Variants in PRRC2B observed in about 807,000 individuals in gnomAD.
PRRC2B encodes the protein protein PRRC2B.
PRRC2B carries 68 observed loss-of-function variants against 242.3 expected under a neutral mutation model. That is an observed-to-expected ratio of 0.28 (90% CI 0.23 to 0.34). PRRC2B has a LOEUF of 0.34. PRRC2B is among the 10% of genes least tolerant of loss of function. The probability of loss-of-function intolerance (pLI) is 1.00; values close to 1 mark genes in which losing one functional copy is unlikely to be tolerated. For missense variants in PRRC2B, 2,835 were observed against 2,954.8 expected (o/e 0.96, Z 0.94); for synonymous variants, 1,228 against 1,173.6 (o/e 1.05, Z -0.95).
intron 13 of PRRC2B, among the ~76,000 whole-genome samples, chr9:131,470,145 G>C (rs578156264): frequency 6.6e-6 from 1 of 152,284 alleles, no homozygotes; most frequent in Admixed American, 6.5e-5. Context: ...GCAGAAAGTG[G>C]AGGGCCAGTC....
chr9:131,374,129 A>T (rs1254325728), intron 1 of PRRC2B, among the ~76,000 whole-genome samples: 3 of 151,958 alleles, frequency 2.0e-5, no homozygotes, highest in African/African-American at 7.3e-5. Flanking sequence ...TATTTCAGTC[A>T]CCCTGATTCG....
At chr9:131,460,263 T>C (rs184097625) in intron 11 of PRRC2B, among the ~76,000 whole-genome samples, 1 of 152,318 alleles carries the variant, frequency 6.6e-6, no homozygotes, top group Admixed American at 6.5e-5. Flanking sequence ...CTCGAAATAA[T>C]CCAGTTCAGA....
intron 1 of PRRC2B, among the ~76,000 whole-genome samples, chr9:131,406,093 C>T (rs777102594): frequency 1.3e-4 from 19 of 151,938 alleles, no homozygotes; most frequent in Non-Finnish European, 5.9e-5. Flanking sequence ...CAGCCCTCCC[C>T]GGGGGCCCGG....
chr9:131,431,745 C>T (rs955664875), intron 2 of PRRC2B, among the ~76,000 whole-genome samples: 103 of 151,550 alleles, frequency 6.8e-4, no homozygotes, highest in Non-Finnish European at 2.6e-4. Flanking sequence ...CGCCATCACT[C>T]CCGGCTAATT....
chr9:131,476,669 C>T (rs1943710990), intron 16 of PRRC2B, 134 bp downstream of exon 16: 4 of 725,206 alleles, frequency 5.5e-6, no homozygotes, highest in Non-Finnish European at 8.8e-6. Flanking sequence ...TGCGCGTCTC[C>T]ATTGCCTGCC....
chr9:131,428,398 TTTTA>T (rs779087234), intron 1 of PRRC2B, among the ~76,000 whole-genome samples: 10 of 151,988 alleles, frequency 6.6e-5, no homozygotes, highest in Non-Finnish European at 1.5e-4. Flanking sequence ...TTATTTTTAT[TTTTA>T]TTTATTCATT....
In PRRC2B at chr9:131,482,661, T is replaced by C; in HGVS notation, c.5176-49T>C. 6.6e-7 allele frequency: 1 copy of C among 1,519,300 alleles called. No homozygotes were observed. Among genetic ancestry groups the C allele is most frequent in the South Asian group, 1.3e-5 (1 of 77,046 alleles). 94.1% of individuals were successfully genotyped at this position (1,519,300 alleles called of 1,614,324 possible). On this transcript the variant is annotated intron_variant, in intron 21 of 31. Coordinates refer to ENST00000683519, the MANE Select transcript of PRRC2B (RefSeq NM_013318.4). This position sits in a 1 kb window ranked among gnomAD's most constrained non-coding sequence, Gnocchi z 5.2. ...TCCTGGGACAGTAGAAGCTAGAGAG[T>C]GTGGTCATTCCAGTCTGTGTGTCTC...
upstream of PRRC2B, among the ~76,000 whole-genome samples, chr9:131,391,391 C>T (rs193151736): frequency 6.6e-6 from 1 of 152,166 alleles, no homozygotes; most frequent in East Asian, 1.9e-4. Flanking sequence ...CGACTCCGAC[C>T]CTCCTTCCTT....
chr9:131,484,068 A>G (rs1362208860), intron 23 of PRRC2B, among the ~76,000 whole-genome samples: 2 of 152,202 alleles, frequency 1.3e-5, no homozygotes, highest in Non-Finnish European at 2.9e-5. Context: ...AATGAAAACA[A>G]TGTTTTGGAA....
Position 131,488,031 on chromosome 9 carries a change from G to C in PRRC2B, c.6160G>C (p.Glu2054Gln). The C allele has an allele frequency of 6.2e-7, 1 of 1,612,878 alleles. No homozygotes were observed. The highest frequency in any genetic ancestry group is 8.5e-7 in the Non-Finnish European group (1 of 1,179,418). ...GAGCGGGAACCAAGCCCTGGTCTAC[G>C]AGGGCCAGCTCAGCCAGGCTGCTGG... ...PMSGNQALVY[E>Q]GQLSQAAGLG... Residue 2054 changes from glutamate to glutamine, a missense_variant, in exon 28 of 32, where the codon GAG (glutamate) becomes CAG (glutamine). Physicochemically the swap from Glu to Gln is conservative, Grantham distance 29. Coordinates refer to ENST00000683519, the MANE Select transcript of PRRC2B (RefSeq NM_013318.4).
Position 131,496,753 on chromosome 9 carries a change from A to G in PRRC2B, c.*879A>G, listed in dbSNP as rs1944346452. ...CAGGGTCCCTGTCCTGGGCTCCTCT[A>G]AAGCCAGTGGATGTGCTGGGCACCA... On this transcript the variant is annotated 3_prime_UTR_variant, in exon 32 of 32. Transcript: ENST00000683519. The G allele has an allele frequency of 1.3e-5, 2 of 152,366 alleles. No homozygotes were observed. The highest frequency in any genetic ancestry group is 2.9e-5 in the Non-Finnish European group (2 of 68,056). The allele number at this position is 152,366 out of a possible 1,614,324, so 9.4% of individuals were successfully genotyped here.
intron 1 of PRRC2B, among the ~76,000 whole-genome samples, chr9:131,407,937 T>G (rs1035903632): frequency 1.3e-5 from 2 of 152,214 alleles, no homozygotes; most frequent in Non-Finnish European, 2.9e-5. Flanking sequence ...TAATGTTTAT[T>G]CGGGCAGCCC....
At chr9:131,409,625 T>C (rs1264116465) in intron 1 of PRRC2B, among the ~76,000 whole-genome samples, 4 of 151,814 alleles carry the variant, frequency 2.6e-5, no homozygotes, top group Non-Finnish European at 4.4e-5. Flanking sequence ...GCAGCTGCTG[T>C]GTTGGTGGCT....
intron 3 of PRRC2B, 42 bp downstream of exon 3, chr9:131,432,836 A>G (rs780123513): frequency 1.2e-5 from 19 of 1,601,980 alleles, no homozygotes; most frequent in Non-Finnish European, 1.6e-5. Context: ...CTGGCGCTCC[A>G]AGGGTGGTCC....
intron 12 of PRRC2B, among the ~76,000 whole-genome samples, chr9:131,466,012 A>G (rs150113908): frequency 1.3e-5 from 2 of 152,374 alleles, no homozygotes; most frequent in Non-Finnish European, 2.9e-5. Flanking sequence ...GGCGTGAGCC[A>G]CTGTGCCTGG....
intron 13 of PRRC2B, among the ~76,000 whole-genome samples, chr9:131,468,869 A>G (rs187151534): frequency 1.3e-4 from 20 of 152,164 alleles, no homozygotes; most frequent in African/African-American, 4.8e-4. Context: ...ACCGCCTTTA[A>G]TGTGATTTTA....
At position 131,483,352 on chromosome 9, in the gene PRRC2B, T is replaced by C; in HGVS notation, c.5374-7T>C. 6.2e-7 allele frequency: 1 copy of C among 1,613,892 alleles called. No homozygotes were observed. The highest frequency in any genetic ancestry group is 8.5e-7 in the Non-Finnish European group (1 of 1,179,814). On this transcript the variant is annotated splice_polypyrimidine_tract_variant and splice_region_variant and intron_variant, in intron 22 of 31. Coordinates refer to ENST00000683519, the MANE Select transcript of PRRC2B (RefSeq NM_013318.4). Reference sequence around the variant, plus strand: ...AGTGGGCTGTGTGGCCTTTTTTATTTTTTCAGGACTCCGATTTCAGCTTGC... The same window carrying C: ...AGTGGGCTGTGTGGCCTTTTTTATTCTTTCAGGACTCCGATTTCAGCTTGC...
intron 31 of PRRC2B, among the ~76,000 whole-genome samples, 154 bp from the exon 32 acceptor site, chr9:131,495,586 G>C (rs937295003): frequency 6.6e-6 from 1 of 152,178 alleles, no homozygotes; most frequent in Non-Finnish European, 1.5e-5. Flanking sequence ...TTACTAGGAG[G>C]GGGGTTTCTA....
upstream of PRRC2B, among the ~76,000 whole-genome samples, chr9:131,393,854 C>T (rs1836954095): frequency 6.6e-6 from 1 of 151,634 alleles, no homozygotes; most frequent in African/African-American, 2.4e-5. Context: ...GTCCCCGGGC[C>T]CCTCCCCACT....
Sources: gnomAD v4.1 joint callset for allele counts (sites outside exome capture counted in the v4.1 genomes callset) on GRCh38, gnomAD v4.1.1 for gene constraint, Gnocchi (gnomAD v3.1) non-coding constraint, MANE v1.5 for transcripts, NCBI Gene and HGNC (gene_info 2026-07-23, HGNC 2026-07-21) for gene names.